The following PTPRM variants were observed in gnomAD, a reference collection of about 807,000 sequenced individuals.
PTPRM encodes protein tyrosine phosphatase receptor type M, also known as receptor-type tyrosine-protein phosphatase mu.
PTPRM carries 47 observed loss-of-function variants against 186.7 expected under a neutral mutation model. That is an observed-to-expected ratio of 0.25 (90% CI 0.20 to 0.32). The LOEUF (loss-of-function observed/expected upper bound fraction) is 0.32. Among genes scored for constraint, PTPRM ranks in the 10% least tolerant of loss-of-function variants. The pLI is 1.00. For missense variants in PTPRM, 1,494 were observed against 1,865.0 expected, an observed-to-expected ratio of 0.80 and a Z score of 3.66; for synonymous variants, 668 against 674.9, an observed-to-expected ratio of 0.99 and a Z score of 0.16.
chr18:8,183,232 T>C (rs1355697696), intron 14 of PTPRM, among the ~76,000 whole-genome samples: 1 of 152,260 alleles, frequency 6.6e-6, no homozygotes, highest in African/African-American at 2.4e-5. Context: ...CTTTTTTTTC[T>C]TGATTAAAAA....
intron 7 of PTPRM, among the ~76,000 whole-genome samples, chr18:7,994,543 G>A (rs532488596): frequency 1.8e-4 from 27 of 152,220 alleles, no homozygotes; most frequent in South Asian, 4.1e-4. Flanking sequence ...TCGTCAGCAC[G>A]TGGAATTTTC....
chr18:8,236,623 C>T (rs1245827156), intron 14 of PTPRM, among the ~76,000 whole-genome samples: 2 of 151,978 alleles, frequency 1.3e-5, no homozygotes, highest in African/African-American at 2.4e-5. Context: ...TTCGCTGCAA[C>T]CTCTGCCTCC....
chr18:7,985,385 A>G (rs1345218572), intron 7 of PTPRM, among the ~76,000 whole-genome samples: 1 of 138,730 alleles, frequency 7.2e-6, no homozygotes. Flanking sequence ...ATATAAATAT[A>G]TACATATACT....
intron 3 of PTPRM, among the ~76,000 whole-genome samples, chr18:7,893,290 C>T (rs1038037918): frequency 6.6e-5 from 10 of 152,098 alleles, no homozygotes; most frequent in African/African-American, 1.7e-4. Context: ...TCCATGAAAA[C>T]GTTTAACGAC....
intron 1 of PTPRM, among the ~76,000 whole-genome samples, chr18:7,663,839 C>T (rs2039032307): frequency 6.6e-6 from 1 of 152,316 alleles, no homozygotes; most frequent in African/African-American, 2.4e-5. Flanking sequence ...GTCATAGGCA[C>T]CTGGGGGTCC....
chr18:7,785,292 G>T (rs1423007505), intron 2 of PTPRM, among the ~76,000 whole-genome samples: 1 of 152,182 alleles, frequency 6.6e-6, no homozygotes, highest in Non-Finnish European at 1.5e-5. Context: ...CTCCAGAAAA[G>T]ATGTAATAAG....
intron 23 of PTPRM, among the ~76,000 whole-genome samples, chr18:8,363,136 A>G (rs2095606932): frequency 6.6e-6 from 1 of 152,240 alleles, no homozygotes; most frequent in Admixed American, 6.5e-5. Context: ...AGCTAAGCAC[A>G]GGATTTCCCT....
rs539922713 is a variant in PTPRM at position 8,339,847 on chromosome 18, C to A, written c.2957-3576C>A. On this transcript the variant is annotated intron_variant, in intron 22 of 32. Transcript: ENST00000580170. ...GCCTGGAGGGTATGTTCTGATTTTG[C>A]CAGGAGACAGGTAGCTGAGTAATAC... Among the ~76,000 whole-genome samples the A allele has an allele frequency of 2.6e-5, 4 of 152,116 alleles. No individual in the cohort carries two copies. In the South Asian group the frequency reaches 8.3e-4, roughly 32 times the overall value.
intron 1 of PTPRM, among the ~76,000 whole-genome samples, chr18:7,760,648 A>T (rs543982348): frequency 6.6e-6 from 1 of 152,272 alleles, no homozygotes; most frequent in Admixed American, 6.5e-5. Flanking sequence ...CTAGATAGGT[A>T]AGTGCGTCCC....
intron 7 of PTPRM, among the ~76,000 whole-genome samples, chr18:8,013,491 A>G (rs1288924397): frequency 1.3e-5 from 2 of 152,202 alleles, no homozygotes; most frequent in East Asian, 1.9e-4. Flanking sequence ...CAGAGAAAAT[A>G]TATTTACTAT....
At chr18:8,205,272 A>G (rs1417739673) in intron 14 of PTPRM, among the ~76,000 whole-genome samples, 1 of 152,232 alleles carries the variant, frequency 6.6e-6, no homozygotes, top group Non-Finnish European at 1.5e-5. Flanking sequence ...AAAGGAAAAT[A>G]TATCAAGTTT....
intron 2 of PTPRM, among the ~76,000 whole-genome samples, chr18:7,826,646 A>T (rs2045498177): frequency 6.6e-6 from 1 of 152,256 alleles, no homozygotes; most frequent in Admixed American, 6.5e-5. Context: ...TTTTCCAATA[A>T]TGAAAGTACC....
chr18:7,748,793 A>G (rs1430465210), intron 1 of PTPRM, among the ~76,000 whole-genome samples: 3 of 152,148 alleles, frequency 2.0e-5, no homozygotes, highest in African/African-American at 4.8e-5. Flanking sequence ...AAAAACAGGA[A>G]GCAGAGTTGT....
chr18:8,053,054 T>C (rs1396169770), intron 7 of PTPRM, among the ~76,000 whole-genome samples: 3 of 152,202 alleles, frequency 2.0e-5, no homozygotes, highest in Non-Finnish European at 4.4e-5. Flanking sequence ...AAGTTCTGTA[T>C]ATAATCAATA....
chr18:7,792,961 A>AT (rs1568137192), intron 2 of PTPRM, among the ~76,000 whole-genome samples: 1 of 152,136 alleles, frequency 6.6e-6, no homozygotes, highest in East Asian at 1.9e-4. Flanking sequence ...TAGTGAAATA[A>AT]TTTTTTTAAA....
At chr18:8,319,523 C>G (rs1357620466) in intron 22 of PTPRM, among the ~76,000 whole-genome samples, 1 of 152,226 alleles carries the variant, frequency 6.6e-6, no homozygotes, top group Non-Finnish European at 1.5e-5. Context: ...TATACACCAG[C>G]TGCTCTCTAC....
At chr18:7,942,459 G>T (rs2052242591) in intron 5 of PTPRM, among the ~76,000 whole-genome samples, 1 of 152,118 alleles carries the variant, frequency 6.6e-6, no homozygotes, top group Non-Finnish European at 1.5e-5. Flanking sequence ...AACAAGGCCT[G>T]TTTGTTCAGA....
At chr18:8,072,454 C>T (rs1942954) in intron 8 of PTPRM, among the ~76,000 whole-genome samples, 52,065 of 152,006 alleles carry the variant, frequency 0.34, 9,901 homozygotes, top group Non-Finnish European at 0.43. Flanking sequence ...CTATTGTTTT[C>T]CTAGCACACT....
chr18:8,131,735 T>C lies in PTPRM; in HGVS notation c.2168-11912T>C, dbSNP rs571521481. 1.2e-3 allele frequency among the ~76,000 whole-genome samples: 179 copies of C among 152,344 alleles called. 3 individuals are homozygous for C. In the South Asian group the frequency reaches 0.016, roughly 13 times the overall value. ...CACTAAGTATGAAAGTAGACAAATA[T>C]AAAGCTATTTGTAAGGGAATGAGAA... is the stretch of plus-strand genomic sequence containing the variant. On this transcript the variant is annotated intron_variant, in intron 13 of 32. Transcript: ENST00000580170.
Sources: gnomAD v4.1 joint callset for allele counts (sites outside exome capture counted in the v4.1 genomes callset) on GRCh38, gnomAD v4.1.1 for gene constraint, MANE v1.5 for transcripts, NCBI Gene and HGNC (gene_info 2026-07-23, HGNC 2026-07-21) for gene names.